The following ELMOD1 variants were observed in gnomAD, a reference collection of about 807,000 sequenced individuals.
ELMOD1 encodes the protein ELMO domain-containing protein 1.
In ELMOD1, 21 loss-of-function variants were observed where a neutral mutation model predicts 46.7. The ratio of observed to expected loss-of-function variants is 0.45; its 90% CI spans 0.32 to 0.65. The LOEUF (loss-of-function observed/expected upper bound fraction) is 0.65, where lower values mean the gene tolerates loss of function less well. Ranked by LOEUF, ELMOD1 falls within the 30% of genes least tolerant of loss-of-function variation. The pLI, the probability that ELMOD1 is intolerant of heterozygous loss-of-function variation, is 0.04. For missense variants in ELMOD1, 348 were observed against 407.8 expected, an observed-to-expected ratio of 0.85 and a Z score of 1.26; for synonymous variants, 122 against 138.2, an observed-to-expected ratio of 0.88 and a Z score of 0.82.
chr11:107,664,959 T>C, intron 11 of ELMOD1, 66 bp from the exon 12 acceptor site: 1 of 1,459,448 alleles, frequency 6.9e-7, no homozygotes, highest in Non-Finnish European at 9.3e-7. Flanking sequence ...GCATTCAGAA[T>C]GATTTTGAAT....
chr11:107,646,997 C>T (rs1866441765), intron 6 of ELMOD1, among the ~76,000 whole-genome samples: 1 of 150,864 alleles, frequency 6.6e-6, no homozygotes, highest in African/African-American at 2.4e-5. Flanking sequence ...TACCTATCTA[C>T]CTACCATCTA....
chr11:107,628,831 T>C (rs1866089066), intron 2 of ELMOD1, among the ~76,000 whole-genome samples: 1 of 152,088 alleles, frequency 6.6e-6, no homozygotes, highest in African/African-American at 2.4e-5. Flanking sequence ...AAAATTAAAA[T>C]TACTGATTAT....
At chr11:107,624,913 C>T (rs1225202664) in intron 2 of ELMOD1, among the ~76,000 whole-genome samples, 4 of 152,096 alleles carry the variant, frequency 2.6e-5, no homozygotes, top group Non-Finnish European at 5.9e-5. Flanking sequence ...CACCAATCCC[C>T]TTAATTTTTA....
chr11:107,635,968 T>C (rs1866223018), intron 6 of ELMOD1, among the ~76,000 whole-genome samples: 1 of 152,212 alleles, frequency 6.6e-6, no homozygotes, highest in Non-Finnish European at 1.5e-5. Flanking sequence ...TGTGAGAAGT[T>C]AAGTTCAAAG....
At chr11:107,624,809 C>T (rs1866013635) in intron 2 of ELMOD1, among the ~76,000 whole-genome samples, 1 of 152,106 alleles carries the variant, frequency 6.6e-6, no homozygotes, top group Non-Finnish European at 1.5e-5. Context: ...TCTAAGCCTT[C>T]AGATACAATT....
At chr11:107,644,783 T>C (rs926298872) in intron 6 of ELMOD1, among the ~76,000 whole-genome samples, 7 of 152,058 alleles carry the variant, frequency 4.6e-5, no homozygotes, top group Admixed American at 6.6e-5. Context: ...CAAAACAATA[T>C]ATTTTTTAGT....
chr11:107,595,206 C>T (rs1220413121), intron 1 of ELMOD1, among the ~76,000 whole-genome samples: 1 of 151,356 alleles, frequency 6.6e-6, no homozygotes, highest in Non-Finnish European at 1.5e-5. Context: ...TTTGAGTGTC[C>T]ATATGTGTGG....
At chr11:107,661,425 T>G (rs552605267) in intron 11 of ELMOD1, among the ~76,000 whole-genome samples, 1 of 152,350 alleles carries the variant, frequency 6.6e-6, no homozygotes, top group East Asian at 1.9e-4. Flanking sequence ...CATTAAAAGA[T>G]GATTTTTCAT....
chr11:107,659,040 A>G (rs1866682806), intron 11 of ELMOD1, among the ~76,000 whole-genome samples: 1 of 152,202 alleles, frequency 6.6e-6, no homozygotes, highest in African/African-American at 2.4e-5. Flanking sequence ...AGACCAAAAG[A>G]ATGAGTGGCA....
At chr11:107,631,402 C>G (rs559494464) in intron 4 of ELMOD1, among the ~76,000 whole-genome samples, 178 bp from the exon 5 acceptor site, 1 of 146,394 alleles carries the variant, frequency 6.8e-6, no homozygotes. Flanking sequence ...GCACTACCCC[C>G]CCCCCCATCG....
At chr11:107,631,397 A>ACC (rs10539761) in intron 4 of ELMOD1, among the ~76,000 whole-genome samples, 183 bp from the exon 5 acceptor site, 10,239 of 131,894 alleles carry the variant, frequency 0.078, 826 homozygotes, top group African/African-American at 0.16. Context: ...AAATTGCACT[A>ACC]CCCCCCCCCC....
In ELMOD1 at chr11:107,631,646, C is replaced by G; in HGVS notation, c.259C>G (p.Leu87Val). Residue 87 changes from leucine (L) to valine (V), a missense_variant, in exon 5 of 12, where the codon CTG becomes GTG. By Grantham distance (32) the Leu-to-Val change is conservative. Coordinates refer to ENST00000265840, the MANE Select transcript of ELMOD1 (RefSeq NM_018712.4). Reference sequence around the variant, plus strand: ...AAAAACTATAGAAGATATCATGGAACTGAAAAAAATTAATCCTGACGTAAA... The same window carrying G: ...AAAAACTATAGAAGATATCATGGAAGTGAAAAAAATTAATCCTGACGTAAA... Reference protein sequence around the residue: ...IEKTIEDIMELKKINPDVNPQ... With the variant: ...IEKTIEDIMEVKKINPDVNPQ... The G allele has an allele frequency of 6.4e-7, 1 of 1,556,766 alleles. No homozygotes were observed. Among genetic ancestry groups the G allele is most frequent in the South Asian group, 1.2e-5 (1 of 83,852 alleles).
At chr11:107,614,375 G>C (rs988582098) in intron 1 of ELMOD1, among the ~76,000 whole-genome samples, 2 of 152,142 alleles carry the variant, frequency 1.3e-5, no homozygotes, top group Non-Finnish European at 2.9e-5. Flanking sequence ...CGGAGTCTCT[G>C]TTGCCCAGGC....
At chr11:107,624,887 A>C (rs915771232) in intron 2 of ELMOD1, among the ~76,000 whole-genome samples, 1 of 152,194 alleles carries the variant, frequency 6.6e-6, no homozygotes, top group Non-Finnish European at 1.5e-5. Context: ...ACATTGATCT[A>C]TGATAGATAT....
chr11:107,594,062 G>A (rs1865450695), intron 1 of ELMOD1, among the ~76,000 whole-genome samples: 1 of 152,132 alleles, frequency 6.6e-6, no homozygotes, highest in Non-Finnish European at 1.5e-5. Flanking sequence ...ATGGGGAAAT[G>A]GGGCAGGGGG....
intron 10 of ELMOD1, among the ~76,000 whole-genome samples, chr11:107,654,698 G>A (rs1866593318): frequency 6.6e-6 from 1 of 151,728 alleles, no homozygotes; most frequent in African/African-American, 2.4e-5. Flanking sequence ...GAACCTGGGA[G>A]GCGGAGCTTG....
chr11:107,649,060 T>G (rs573303734), intron 7 of ELMOD1, among the ~76,000 whole-genome samples: 6 of 152,338 alleles, frequency 3.9e-5, no homozygotes, highest in African/African-American at 9.6e-5. Context: ...TTAAGAAGTT[T>G]AATAATCACC....
intron 6 of ELMOD1, chr11:107,643,608 CT>C (rs1267441677): frequency 2.5e-5 from 13 of 528,846 alleles, no homozygotes; most frequent in Admixed American, 2.4e-4. Flanking sequence ...GTACAAGTAT[CT>C]GGACGGCATT....
intron 11 of ELMOD1, among the ~76,000 whole-genome samples, chr11:107,661,121 C>T (rs1866732867): frequency 6.6e-6 from 1 of 152,158 alleles, no homozygotes; most frequent in East Asian, 1.9e-4. Flanking sequence ...ACTTATTTTC[C>T]TGATGGGATA....
Sources: allele counts gnomAD v4.1 joint callset (sites outside exome capture counted in the v4.1 genomes callset), GRCh38; gene constraint gnomAD v4.1.1; transcripts MANE v1.5; gene names NCBI Gene and HGNC (gene_info 2026-07-23, HGNC 2026-07-21).